Variants in MAPRE3 observed in about 807,000 individuals in gnomAD.
The protein encoded by MAPRE3 is microtubule-associated protein RP/EB family member 3.
Under a neutral mutation model 30.5 loss-of-function variants are expected in MAPRE3, and 2 were observed. The observed-to-expected ratio is 0.07, with a 90% confidence interval of 0.03 to 0.21. The LOEUF (loss-of-function observed/expected upper bound fraction) is 0.21. MAPRE3 is among the 10% of genes least tolerant of loss of function. The pLI is 1.00. For missense variants in MAPRE3, 204 were observed against 351.8 expected, an observed-to-expected ratio of 0.58 and a Z score of 3.36; for synonymous variants, 110 against 127.7, an observed-to-expected ratio of 0.86 and a Z score of 0.93.
chr2:27,022,038 G>A lies in MAPRE3; in HGVS notation c.-7-174G>A, dbSNP rs538145817. On this transcript the variant is annotated intron_variant, in intron 1 of 6. Coordinates refer to ENST00000233121, the MANE Select transcript of MAPRE3 (RefSeq NM_012326.4). ...GCTCCTGGTGCACGTCTAGCATATA[G>A]TAGATGCTCATGAAATGTCTAAGGA... is the stretch of plus-strand genomic sequence containing the variant. Among the ~76,000 whole-genome samples, 13 of 152,322 alleles carry A rather than the reference G, an allele frequency of 8.5e-5. No individual in the cohort carries two copies. In the South Asian group the frequency reaches 2.5e-3, roughly 29 times the overall value.
At chr2:26,995,780 G>GGGGT (rs1433584791) in intron 1 of MAPRE3, among the ~76,000 whole-genome samples, 6 of 109,694 alleles carry the variant, frequency 5.5e-5, no homozygotes, top group South Asian at 3.9e-4. Flanking sequence ...TTCTAAGAGA[G>GGGGT]GTGTGTGTGT....
Position 27,015,870 on chromosome 2 carries a change from G to A in MAPRE3, c.-7-6342G>A, listed in dbSNP as rs1666970597. On this transcript the variant is annotated intron_variant, in intron 1 of 6. Transcript: ENST00000233121. The surrounding 1 kb of genome is among the most constrained non-coding windows in gnomAD (Gnocchi z 4.0). ...GTCTCTAGAAACCCTTCTGACCATG[G>A]GTTAGTGGGATTTGGTCTTGATGAC... Among the ~76,000 whole-genome samples the A allele has an allele frequency of 6.6e-6, 1 of 152,144 alleles. No homozygotes were observed. The highest frequency in any genetic ancestry group is 1.5e-5 in the Non-Finnish European group (1 of 68,018).
intron 1 of MAPRE3, among the ~76,000 whole-genome samples, chr2:27,005,540 A>T (rs1420011527): frequency 6.6e-6 from 1 of 152,230 alleles, no homozygotes; most frequent in Non-Finnish European, 1.5e-5. Flanking sequence ...TCTGCAAAGC[A>T]TGAACTGCAA....
intron 4 of MAPRE3, 80 bp downstream of exon 4, chr2:27,024,377 C>A: frequency 7.7e-7 from 1 of 1,305,326 alleles, no homozygotes. Flanking sequence ...CCCTGGGCCA[C>A]GGCCCGGCCC....
chr2:27,001,598 A>G (rs191356261), intron 1 of MAPRE3, among the ~76,000 whole-genome samples: 93 of 152,292 alleles, frequency 6.1e-4, no homozygotes, highest in African/African-American at 2.2e-3. Flanking sequence ...GGTACGGTGA[A>G]CTATGATTGC....
intron 1 of MAPRE3, among the ~76,000 whole-genome samples, chr2:26,994,180 A>G (rs565382381): frequency 6.6e-6 from 1 of 152,336 alleles, no homozygotes; most frequent in South Asian, 2.1e-4. Flanking sequence ...TGATAACTTA[A>G]TTATCAGCTT....
intron 1 of MAPRE3, among the ~76,000 whole-genome samples, chr2:26,988,674 C>T (rs1258040506): frequency 1.3e-5 from 2 of 152,128 alleles, no homozygotes; most frequent in Admixed American, 6.5e-5. Context: ...GCGGGGTTCT[C>T]AAGTGTAGTC....
chr2:27,018,925 TTA>T (rs1667050483), intron 1 of MAPRE3, among the ~76,000 whole-genome samples: 1 of 151,740 alleles, frequency 6.6e-6, no homozygotes, highest in Non-Finnish European at 1.5e-5. Context: ...ATTTATTTAT[TTA>T]TTTTTTGGAG....
At chr2:26,976,028 T>A (rs1403486196) in intron 1 of MAPRE3, among the ~76,000 whole-genome samples, 1 of 152,250 alleles carries the variant, frequency 6.6e-6, no homozygotes, top group Non-Finnish European at 1.5e-5. Context: ...AAGCTAATTT[T>A]CAGCTATTGA....
chr2:26,974,021 A>G (rs1665967730), intron 1 of MAPRE3, among the ~76,000 whole-genome samples: 1 of 152,220 alleles, frequency 6.6e-6, no homozygotes, highest in South Asian at 2.1e-4. Context: ...ACAAGACACC[A>G]AGAGTTAAAT....
chr2:26,972,997 C>T (rs1307036266), intron 1 of MAPRE3, among the ~76,000 whole-genome samples: 3 of 152,122 alleles, frequency 2.0e-5, no homozygotes, highest in African/African-American at 7.2e-5. Flanking sequence ...ATGATTTGAA[C>T]CAAGTTAGAC....
In MAPRE3 at chr2:27,016,681, G is replaced by A. The variant is rs1572769134; in HGVS notation, c.-7-5531G>A. Among the ~76,000 whole-genome samples, 5 of 152,268 alleles carry A rather than the reference G, an allele frequency of 3.3e-5. No individual in the cohort carries two copies. The South Asian group carries it at 1.0e-3, about 32-fold the overall frequency. On this transcript the variant is annotated intron_variant, in intron 1 of 6. Transcript: ENST00000233121. ...TTACAGGCGTGAGCCACCGCGCCTG[G>A]CAGGTTATGTCTTTGCTGTAATTGG...
At chr2:26,976,623 C>A (rs565490867) in intron 1 of MAPRE3, among the ~76,000 whole-genome samples, 10 of 152,140 alleles carry the variant, frequency 6.6e-5, no homozygotes, top group Admixed American at 3.3e-4. Flanking sequence ...TTTAGCATAA[C>A]GTCAGTGTTT....
intron 1 of MAPRE3, among the ~76,000 whole-genome samples, chr2:26,983,287 TCCA>T (rs1666153255): frequency 6.6e-6 from 1 of 152,164 alleles, no homozygotes; most frequent in Admixed American, 6.5e-5. Flanking sequence ...CCCACTGGGT[TCCA>T]AGCTTAGGCT....
chr2:27,021,347 A>G (rs1479732324), intron 1 of MAPRE3, among the ~76,000 whole-genome samples: 1 of 152,170 alleles, frequency 6.6e-6, no homozygotes. Context: ...GAGGGAGAGT[A>G]AGCTGTCTGG....
At chr2:27,000,220 CAAGT>C (rs1206641712) in intron 1 of MAPRE3, among the ~76,000 whole-genome samples, 25 of 152,162 alleles carry the variant, frequency 1.6e-4, no homozygotes, top group Admixed American at 1.6e-3. Flanking sequence ...TTAGTAATAT[CAAGT>C]AAGTACTGAC....
intron 6 of MAPRE3, 57 bp from the exon 7 acceptor site, chr2:27,026,223 G>A (rs147857463): frequency 7.2e-6 from 11 of 1,535,604 alleles, no homozygotes; most frequent in Middle Eastern, 1.7e-4. Flanking sequence ...TACAGAACCT[G>A]AGAAGCCCTG....
intron 1 of MAPRE3, among the ~76,000 whole-genome samples, chr2:27,009,989 G>A (rs1018739425): frequency 6.6e-6 from 1 of 152,122 alleles, no homozygotes; most frequent in Admixed American, 6.6e-5. Context: ...CTTCCTATAG[G>A]TCCTGTGCTG....
chr2:27,019,082 CAG>C (rs1483382757), intron 1 of MAPRE3, among the ~76,000 whole-genome samples: 2 of 151,828 alleles, frequency 1.3e-5, no homozygotes, highest in African/African-American at 2.4e-5. Flanking sequence ...TTAGTAGAGA[CAG>C]GGTTTTGCCA....
Sources: gnomAD v4.1 joint callset for allele counts (sites outside exome capture counted in the v4.1 genomes callset) on GRCh38, gnomAD v4.1.1 for gene constraint, Gnocchi (gnomAD v3.1) non-coding constraint, MANE v1.5 for transcripts, NCBI Gene and HGNC (gene_info 2026-07-23, HGNC 2026-07-21) for gene names.